CDH18: variants seen among roughly 807,000 people sequenced by gnomAD.
CDH18 encodes the protein cadherin 18, also known as cadherin-18.
In CDH18, 31 loss-of-function variants were observed where a neutral mutation model predicts 67.9. The observed-to-expected ratio is 0.46, with a 90% CI of 0.34 to 0.62. The LOEUF is 0.62. CDH18 is among the 20% of genes least tolerant of loss of function. CDH18 has a pLI of 0.01. For missense variants in CDH18, 890 were observed against 975.5 expected (o/e 0.91, Z 1.17); for synonymous variants, 362 against 347.2 (o/e 1.04, Z -0.48).
chr5:20,396,574 A>G (rs557906067), intron 1 of CDH18, among the ~76,000 whole-genome samples: 1 of 152,238 alleles, frequency 6.6e-6, no homozygotes, highest in South Asian at 2.1e-4. Flanking sequence ...AATATAATTG[A>G]ATTTAAATTT....
At chr5:19,975,187 T>C (rs1016531879) in intron 2 of CDH18, among the ~76,000 whole-genome samples, 5 of 152,178 alleles carry the variant, frequency 3.3e-5, no homozygotes, top group African/African-American at 9.7e-5. Context: ...GTTCAAAGTA[T>C]ACATTTTACT....
At chr5:20,269,710 G>T (rs1305021244) in intron 1 of CDH18, among the ~76,000 whole-genome samples, 1 of 152,036 alleles carries the variant, frequency 6.6e-6, no homozygotes, top group Non-Finnish European at 1.5e-5. Flanking sequence ...AGATATTGTA[G>T]ACTTAGAAGG....
At chr5:20,401,704 A>G (rs1745786365) in intron 1 of CDH18, among the ~76,000 whole-genome samples, 1 of 152,168 alleles carries the variant, frequency 6.6e-6, no homozygotes, top group African/African-American at 2.4e-5. Context: ...TGAACCCACT[A>G]GCAAAATCTC....
At chr5:20,265,124 G>A in intron 1 of CDH18, among the ~76,000 whole-genome samples, 1 of 152,098 alleles carries the variant, frequency 6.6e-6, no homozygotes, top group East Asian at 1.9e-4. Flanking sequence ...TTAGATTATA[G>A]TTAATGAGCA....
intron 1 of CDH18, among the ~76,000 whole-genome samples, chr5:20,273,855 A>G (rs1431394621): frequency 6.6e-6 from 1 of 152,140 alleles, no homozygotes; most frequent in African/African-American, 2.4e-5. Context: ...CAGTCATTAC[A>G]GGTTAAAGTG....
chr5:20,489,113 C>T (rs537938546), intron 1 of CDH18, among the ~76,000 whole-genome samples: 67 of 152,164 alleles, frequency 4.4e-4, no homozygotes, highest in African/African-American at 1.1e-3. Flanking sequence ...AGGAAACTTG[C>T]TGAGACCTCT....
At chr5:19,505,946 C>A (rs996656218) in intron 10 of CDH18, among the ~76,000 whole-genome samples, 1 of 152,064 alleles carries the variant, frequency 6.6e-6, no homozygotes, top group African/African-American at 2.4e-5. Flanking sequence ...TCCATCTAGT[C>A]CTGGACTTTT....
intron 2 of CDH18, among the ~76,000 whole-genome samples, chr5:20,080,217 T>C (rs561408093): frequency 7.7e-4 from 118 of 152,302 alleles, no homozygotes; most frequent in African/African-American, 2.7e-3. Context: ...TGACTATTAC[T>C]TGGCCTTTAG....
intron 3 of CDH18, among the ~76,000 whole-genome samples, chr5:19,815,294 T>C (rs149562530): frequency 1.6e-3 from 238 of 152,132 alleles, no homozygotes; most frequent in African/African-American, 5.5e-3. Context: ...TTGTATAAGA[T>C]TCAGATGTCA....
At chr5:19,853,373 G>C (rs1314746940) in intron 2 of CDH18, among the ~76,000 whole-genome samples, 1 of 152,052 alleles carries the variant, frequency 6.6e-6, no homozygotes, top group Non-Finnish European at 1.5e-5. Flanking sequence ...ATAATTACTT[G>C]CTTAGAGGCC....
intron 1 of CDH18, among the ~76,000 whole-genome samples, chr5:20,280,960 G>A: frequency 6.6e-6 from 1 of 152,192 alleles, no homozygotes; most frequent in East Asian, 1.9e-4. Flanking sequence ...GATGGCCAGT[G>A]ATGATGAGCA....
intron 3 of CDH18, among the ~76,000 whole-genome samples, chr5:19,774,496 G>T (rs560892411): frequency 6.7e-6 from 1 of 149,848 alleles, no homozygotes; most frequent in South Asian, 2.1e-4. Context: ...GGTAGAAATG[G>T]AGCCCTCATG....
At chr5:19,513,140 C>T (rs905555902) in intron 10 of CDH18, among the ~76,000 whole-genome samples, 1 of 151,948 alleles carries the variant, frequency 6.6e-6, no homozygotes, top group African/African-American at 2.4e-5. Context: ...CAAGGTCTCA[C>T]TTTGTTACCC....
chr5:19,845,397 T>C (rs1460834289), intron 2 of CDH18, among the ~76,000 whole-genome samples: 1 of 152,154 alleles, frequency 6.6e-6, no homozygotes, highest in Non-Finnish European at 1.5e-5. Context: ...ATTTTACACT[T>C]CTTGAATTTG....
At chr5:20,181,485 G>A (rs1737682821) in intron 2 of CDH18, among the ~76,000 whole-genome samples, 1 of 152,046 alleles carries the variant, frequency 6.6e-6, no homozygotes. Context: ...CTCAACTGAG[G>A]CAACCACTCC....
At chr5:20,182,070 T>G (rs554031037) in intron 2 of CDH18, among the ~76,000 whole-genome samples, 1 of 152,196 alleles carries the variant, frequency 6.6e-6, no homozygotes, top group East Asian at 1.9e-4. Flanking sequence ...TCTTTGAAAA[T>G]TATTTAAATC....
intron 3 of CDH18, among the ~76,000 whole-genome samples, chr5:19,812,849 T>C (rs1778891259): frequency 6.6e-6 from 1 of 152,156 alleles, no homozygotes; most frequent in Non-Finnish European, 1.5e-5. Flanking sequence ...TGTATGTTTA[T>C]TGCAGCACTA....
At chr5:20,045,936 A>G (rs1342048378) in intron 2 of CDH18, among the ~76,000 whole-genome samples, 1 of 152,194 alleles carries the variant, frequency 6.6e-6, no homozygotes, top group African/African-American at 2.4e-5. Context: ...GGTTATTTAC[A>G]AGCTGCCCAG....
At chr5:19,487,694 T>C (rs1023748590) in intron 11 of CDH18, among the ~76,000 whole-genome samples, 1 of 152,162 alleles carries the variant, frequency 6.6e-6, no homozygotes, top group Non-Finnish European at 1.5e-5. Context: ...CATTATTTAT[T>C]TTGTTATGTG....
Sources: allele counts gnomAD v4.1 joint callset (sites outside exome capture counted in the v4.1 genomes callset), GRCh38; gene constraint gnomAD v4.1.1; transcripts MANE v1.5; gene names NCBI Gene and HGNC (gene_info 2026-07-23, HGNC 2026-07-21).